Variants in SH3BGRL2 observed in about 807,000 individuals in gnomAD.
SH3BGRL2 encodes SH3 domain binding glutamate rich protein like 2.
In SH3BGRL2, 21 loss-of-function variants were observed where a neutral mutation model predicts 14.8. The observed-to-expected ratio is 1.42, with a 90% CI of 1.01 to 2.05. SH3BGRL2 has a LOEUF of 2.05. Among genes scored for constraint, SH3BGRL2 ranks in the 30% most tolerant of loss-of-function variants. SH3BGRL2 has a pLI of 0.00. For missense variants in SH3BGRL2, 147 were observed against 130.8 expected, an observed-to-expected ratio of 1.12 and a Z score of -0.61; for synonymous variants, 50 against 47.8, an observed-to-expected ratio of 1.05 and a Z score of -0.19.
intron 2 of SH3BGRL2, among the ~76,000 whole-genome samples, chr6:79,678,708 G>T (rs1355393026): frequency 6.6e-6 from 1 of 151,994 alleles, no homozygotes; most frequent in Admixed American, 6.6e-5. Context: ...GTATTACATG[G>T]GTATATTGCA....
chr6:79,658,396 G>T (rs912515804), intron 1 of SH3BGRL2, among the ~76,000 whole-genome samples: 13 of 152,240 alleles, frequency 8.5e-5, no homozygotes, highest in Non-Finnish European at 1.6e-4. Flanking sequence ...TGCGTTGTTT[G>T]GTTTTCTGTC....
chr6:79,561,861 A>G, the SH3BGRL2 span, among the ~76,000 whole-genome samples: 2 of 152,204 alleles, frequency 1.3e-5, no homozygotes, highest in African/African-American at 4.8e-5. Flanking sequence ...ACTAAAATAC[A>G]TAGATGGTTG....
chr6:79,695,420 G>A (rs929349770), intron 2 of SH3BGRL2, among the ~76,000 whole-genome samples: 2 of 152,210 alleles, frequency 1.3e-5, no homozygotes, highest in Non-Finnish European at 2.9e-5. Flanking sequence ...ATGCGTTGCA[G>A]GAAGCGAATC....
At chr6:79,569,780 A>G in the SH3BGRL2 span, among the ~76,000 whole-genome samples, 1 of 152,142 alleles carries the variant, frequency 6.6e-6, no homozygotes, top group Non-Finnish European at 1.5e-5. Flanking sequence ...TTGTATCCTA[A>G]TTCTAAAGTG....
chr6:79,668,316 T>C (rs1306609170), intron 1 of SH3BGRL2, among the ~76,000 whole-genome samples: 1 of 152,064 alleles, frequency 6.6e-6, no homozygotes, highest in Non-Finnish European at 1.5e-5. Flanking sequence ...TCCAATCAAA[T>C]CCCTAGGGAC....
At chr6:79,686,562 C>A (rs1770102336) in intron 2 of SH3BGRL2, among the ~76,000 whole-genome samples, 1 of 152,106 alleles carries the variant, frequency 6.6e-6, no homozygotes, top group African/African-American at 2.4e-5. Flanking sequence ...ATTTGGCAGT[C>A]AAACTTAATT....
At chr6:79,581,566 A>G in the SH3BGRL2 span, among the ~76,000 whole-genome samples, 428 of 152,330 alleles carry the variant, frequency 2.8e-3, 1 homozygote, top group South Asian at 0.01. Context: ...AGATGCAGAA[A>G]AGGCCTTTGA....
chr6:79,613,247 C>G, the SH3BGRL2 span, among the ~76,000 whole-genome samples: 1 of 152,198 alleles, frequency 6.6e-6, no homozygotes, highest in Non-Finnish European at 1.5e-5. Flanking sequence ...AAGGGCATCT[C>G]TTCATTCTTA....
the SH3BGRL2 span, among the ~76,000 whole-genome samples, chr6:79,601,234 C>G: frequency 6.6e-6 from 1 of 152,228 alleles, no homozygotes; most frequent in East Asian, 1.9e-4. Flanking sequence ...GTGGCCCAGG[C>G]TGGAGTGCAG....
the SH3BGRL2 span, among the ~76,000 whole-genome samples, chr6:79,589,206 A>AT: frequency 0.16 from 22,424 of 141,268 alleles, 1,953 homozygotes; most frequent in Non-Finnish European, 0.19. Flanking sequence ...ATATATATAT[A>AT]TTTTTTTTTT....
In SH3BGRL2 at chr6:79,700,303, G is replaced by A. The variant is rs1278908691; in HGVS notation, c.*794G>A. The A allele has an allele frequency of 6.6e-6, 1 of 152,154 alleles. No homozygotes were observed. Among genetic ancestry groups the A allele is most frequent in the Non-Finnish European group, 1.5e-5 (1 of 68,034 alleles). The allele number at this position is 152,154 out of a possible 1,614,324, so 9.4% of individuals were successfully genotyped here. On this transcript the variant is annotated 3_prime_UTR_variant, in exon 4 of 4. Transcript: ENST00000369838. ...TAGTGAATATATAGGAAAATTATCTGACGAGTATCTGAAGGCATTTTCAGC... is the reference window on the plus strand; with the variant it reads ...TAGTGAATATATAGGAAAATTATCTAACGAGTATCTGAAGGCATTTTCAGC...
At chr6:79,683,682 T>C (rs749137002) in intron 2 of SH3BGRL2, among the ~76,000 whole-genome samples, 2 of 152,104 alleles carry the variant, frequency 1.3e-5, no homozygotes, top group South Asian at 2.1e-4. Flanking sequence ...CTCCTGACCT[T>C]GTGATCTGCC....
chr6:79,696,639 G>C, intron 3 of SH3BGRL2, 74 bp downstream of exon 3: 1 of 1,102,840 alleles, frequency 9.1e-7, no homozygotes. Flanking sequence ...TAGAGTGACG[G>C]TGTTAGAGGA....
intron 1 of SH3BGRL2, among the ~76,000 whole-genome samples, chr6:79,639,526 C>T (rs1482541144): frequency 6.6e-6 from 1 of 152,034 alleles, no homozygotes; most frequent in African/African-American, 2.4e-5. Context: ...GGAGGTCGAG[C>T]CTGCAGTGAG....
chr6:79,537,764 T>G, the SH3BGRL2 span, among the ~76,000 whole-genome samples: 1 of 152,180 alleles, frequency 6.6e-6, no homozygotes, highest in Non-Finnish European at 1.5e-5. Context: ...TGTAAAACAC[T>G]TAACAATTGC....
chr6:79,577,137 C>G, the SH3BGRL2 span, among the ~76,000 whole-genome samples: 18 of 152,238 alleles, frequency 1.2e-4, no homozygotes, highest in African/African-American at 3.6e-4. Flanking sequence ...CAAAACAAAA[C>G]AAAACTATCT....
intron 2 of SH3BGRL2, among the ~76,000 whole-genome samples, chr6:79,676,036 T>A (rs1769875675): frequency 1.3e-5 from 2 of 152,204 alleles, no homozygotes; most frequent in Admixed American, 6.5e-5. Context: ...GTTAGCATTC[T>A]CATTGCAGAT....
chr6:79,694,521 C>T (rs1770291144), intron 2 of SH3BGRL2, among the ~76,000 whole-genome samples: 1 of 152,114 alleles, frequency 6.6e-6, no homozygotes, highest in Admixed American at 6.6e-5. Context: ...TTTTGTCTTA[C>T]AAGAAATTAC....
At chr6:79,661,392 A>T (rs1463454058) in intron 1 of SH3BGRL2, among the ~76,000 whole-genome samples, 4 of 152,170 alleles carry the variant, frequency 2.6e-5, no homozygotes, top group Admixed American at 2.6e-4. Context: ...TTATTTACCC[A>T]GTAGTCATTC....
Sources: allele counts gnomAD v4.1 joint callset (sites outside exome capture counted in the v4.1 genomes callset), GRCh38; gene constraint gnomAD v4.1.1; transcripts MANE v1.5; gene names NCBI Gene and HGNC (gene_info 2026-07-23, HGNC 2026-07-21).